Variants in ZSWIM6 observed in about 807,000 individuals in gnomAD.
The protein encoded by ZSWIM6 is zinc finger SWIM domain-containing protein 6.
Under a neutral mutation model 113.2 loss-of-function variants are expected in ZSWIM6, and 9 were observed. The observed-to-expected ratio is 0.08, with a 90% CI of 0.05 to 0.14. ZSWIM6 has a LOEUF of 0.14. Ranked by LOEUF, ZSWIM6 falls within the 10% of genes least tolerant of loss-of-function variation. The probability of loss-of-function intolerance (pLI) is 1.00; values close to 1 mark genes in which losing one functional copy is unlikely to be tolerated. For synonymous variants in ZSWIM6, 611 were observed against 606.5 expected, an observed-to-expected ratio of 1.01 and a Z score of -0.11; for missense variants, 1,162 against 1,552.2, an observed-to-expected ratio of 0.75 and a Z score of 4.22.
intron 1 of ZSWIM6, among the ~76,000 whole-genome samples, chr5:61,356,933 G>A (rs985583133): frequency 3.3e-5 from 5 of 150,870 alleles, no homozygotes; most frequent in African/African-American, 1.2e-4. Context: ...TTACTATCCA[G>A]TTTATAAAAA....
chr5:61,456,461 AAAAG>A (rs1374567923), intron 1 of ZSWIM6, among the ~76,000 whole-genome samples: 1 of 152,204 alleles, frequency 6.6e-6, no homozygotes, highest in African/African-American at 2.4e-5. Context: ...CAAGGAAAAA[AAAAG>A]AAAACAAAAA....
At chr5:61,366,544 G>A (rs966828308) in intron 1 of ZSWIM6, among the ~76,000 whole-genome samples, 1 of 152,230 alleles carries the variant, frequency 6.6e-6, no homozygotes, top group Non-Finnish European at 1.5e-5. Context: ...CTTAGAATTT[G>A]ATATTCCTAC....
At chr5:61,481,632 T>C (rs1406183923) in intron 2 of ZSWIM6, among the ~76,000 whole-genome samples, 2 of 152,010 alleles carry the variant, frequency 1.3e-5, no homozygotes, top group Middle Eastern at 3.2e-3. Flanking sequence ...CAAGCAAGTT[T>C]GATGTTGGGA....
At chr5:61,489,848 G>T (rs1748132000) in intron 2 of ZSWIM6, among the ~76,000 whole-genome samples, 2 of 151,960 alleles carry the variant, frequency 1.3e-5, no homozygotes, top group South Asian at 4.2e-4. Context: ...CTCTACTAGG[G>T]ACTAGTAGGC....
intron 1 of ZSWIM6, among the ~76,000 whole-genome samples, chr5:61,381,395 A>C (rs914706888): frequency 1.3e-5 from 2 of 152,236 alleles, no homozygotes; most frequent in African/African-American, 4.8e-5. Flanking sequence ...TCTGGGACTT[A>C]CTTTTTAAAG....
chr5:61,488,630 T>C (rs1748092382), intron 2 of ZSWIM6, among the ~76,000 whole-genome samples: 1 of 152,078 alleles, frequency 6.6e-6, no homozygotes, highest in African/African-American at 2.4e-5. Context: ...TCGTCTTCTG[T>C]ATTTCTGTGA....
At chr5:61,480,788 C>T (rs781440613) in intron 2 of ZSWIM6, among the ~76,000 whole-genome samples, 12 of 152,070 alleles carry the variant, frequency 7.9e-5, no homozygotes, top group Non-Finnish European at 2.9e-5. Flanking sequence ...TGTTGTCTTG[C>T]CTTTTCCCTC....
Position 61,334,748 on chromosome 5 carries a change from AT to A in ZSWIM6, c.676+1802del, listed in dbSNP as rs572459297. 5.1e-4 allele frequency among the ~76,000 whole-genome samples: 77 copies of A among 152,308 alleles called. No individual in the cohort carries two copies. In the South Asian group the frequency reaches 7.3e-3, roughly 14 times the overall value. On this transcript the variant is annotated intron_variant, in intron 1 of 13. Coordinates refer to ENST00000252744, the MANE Select transcript of ZSWIM6 (RefSeq NM_020928.2). Reference sequence around the variant, plus strand: ...TCCTTTTTTCCTTAAAACAAATCTAATTAACATTCTTCCTAGTTATACCTTT... The same window carrying A: ...TCCTTTTTTCCTTAAAACAAATCTAATAACATTCTTCCTAGTTATACCTTT...
intron 9 of ZSWIM6, among the ~76,000 whole-genome samples, 158 bp from the exon 10 acceptor site, chr5:61,535,326 A>G (rs545257702): frequency 6.6e-6 from 1 of 152,288 alleles, no homozygotes; most frequent in South Asian, 2.1e-4. Flanking sequence ...ACCCTGAAGA[A>G]TCTTTTTTGA....
chr5:61,380,056 C>T (rs749805012), intron 1 of ZSWIM6, among the ~76,000 whole-genome samples: 1 of 151,938 alleles, frequency 6.6e-6, no homozygotes, highest in African/African-American at 2.4e-5. Context: ...CTGTTTATTA[C>T]TCTGTCTTCA....
At chr5:61,529,068 C>T (rs754519202) in intron 7 of ZSWIM6, among the ~76,000 whole-genome samples, 1 of 152,108 alleles carries the variant, frequency 6.6e-6, no homozygotes, top group Non-Finnish European at 1.5e-5. Flanking sequence ...ATTGGCCGGG[C>T]GTGATGGCAC....
At chr5:61,348,988 G>T (rs981507323) in intron 1 of ZSWIM6, among the ~76,000 whole-genome samples, 8 of 152,108 alleles carry the variant, frequency 5.3e-5, no homozygotes, top group Non-Finnish European at 1.0e-4. Flanking sequence ...CGGAGAAAAT[G>T]AGGGACAGTT....
intron 4 of ZSWIM6, among the ~76,000 whole-genome samples, chr5:61,508,719 A>G (rs1361518577): frequency 1.3e-5 from 2 of 152,092 alleles, no homozygotes; most frequent in African/African-American, 4.8e-5. Context: ...ATCTTGGGCC[A>G]CTTCCTGGGC....
rs985945738 is a variant in ZSWIM6, at chr5:61,545,301, CCAA to C, written c.*989_*991del. 4.6e-5 allele frequency: 7 copies of C among 151,748 alleles called. No homozygotes were observed. Among genetic ancestry groups the C allele is most frequent in the East Asian group, 1.9e-4 (1 of 5,164 alleles). The allele number at this position is 151,748 out of a possible 1,614,324, so 9.4% of individuals were successfully genotyped here. ...TACACACAGACACACACACACACCA[CCAA>C]CAACCACCACTACACCACACATGCT... On this transcript the variant is annotated 3_prime_UTR_variant, in exon 14 of 14. Coordinates refer to ENST00000252744, the MANE Select transcript of ZSWIM6 (RefSeq NM_020928.2).
In ZSWIM6 at chr5:61,542,964, G is replaced by T. The variant is rs78846350; in HGVS notation, c.2786-491G>T. 2.4e-3 allele frequency among the ~76,000 whole-genome samples: 358 copies of T among 152,230 alleles called. 5 individuals are homozygous for T. Among genetic ancestry groups the T allele is most frequent in the East Asian group, 0.018 (93 of 5,178 alleles). On this transcript the variant is annotated intron_variant, in intron 13 of 13. Transcript: ENST00000252744. ...ATTTCCAACGTTTGATTCATCTGTA[G>T]GTCTGCTTCTATTGACTTTGTTCTC...
At chr5:61,487,722 G>A (rs1269816898) in intron 2 of ZSWIM6, among the ~76,000 whole-genome samples, 2 of 152,000 alleles carry the variant, frequency 1.3e-5, no homozygotes, top group East Asian at 3.8e-4. Context: ...TTTGTATGTT[G>A]ATTTTGCATC....
At chr5:61,444,191 T>C (rs1273316499) in intron 1 of ZSWIM6, among the ~76,000 whole-genome samples, 1 of 147,282 alleles carries the variant, frequency 6.8e-6, no homozygotes, top group African/African-American at 2.5e-5. Flanking sequence ...AGTGAGAACA[T>C]GCAGTGTTTG....
intron 1 of ZSWIM6, among the ~76,000 whole-genome samples, chr5:61,376,795 T>G (rs1278726542): frequency 1.4e-5 from 2 of 145,434 alleles, no homozygotes; most frequent in Non-Finnish European, 3.0e-5. Flanking sequence ...TTTTTTTGTA[T>G]GAATTTTGTT....
chr5:61,333,009 G>GGGGCCCCCCCCC, intron 1 of ZSWIM6, 61 bp downstream of exon 1: 1 of 439,818 alleles, frequency 2.3e-6, no homozygotes, highest in Non-Finnish European at 3.2e-6. Flanking sequence ...TGGGGGGGGG[G>GGGGCCCCCCCCC]TGCCCGCCTT....
Sources: gnomAD v4.1 joint callset for allele counts (sites outside exome capture counted in the v4.1 genomes callset) on GRCh38, gnomAD v4.1.1 for gene constraint, MANE v1.5 for transcripts, NCBI Gene and HGNC (gene_info 2026-07-23, HGNC 2026-07-21) for gene names.